The following SHANK2 variants were observed in gnomAD, a reference collection of about 807,000 sequenced individuals.
SHANK2 encodes the protein SH3 and multiple ankyrin repeat domains 2.
Under a neutral mutation model 133.7 loss-of-function variants are expected in SHANK2, and 43 were observed. The observed-to-expected ratio is 0.32, with a 90% CI of 0.25 to 0.41. The LOEUF is 0.41. Ranked by LOEUF, SHANK2 falls within the 10% of genes least tolerant of loss-of-function variation. The pLI, the probability that SHANK2 is intolerant of heterozygous loss-of-function variation, is 1.00. For missense variants in SHANK2, 1,994 were observed against 2,235.8 expected (o/e 0.89, Z 2.18); for synonymous variants, 1,017 against 952.8 (o/e 1.07, Z -1.24).
chr11:70,596,335 G>T (rs1027566770), intron 17 of SHANK2, among the ~76,000 whole-genome samples: 1 of 150,780 alleles, frequency 6.6e-6, no homozygotes, highest in Non-Finnish European at 1.5e-5. Flanking sequence ...GAGGGGAGGG[G>T]CATGGGCACC....
In SHANK2 at chr11:70,577,396, C is replaced by T. The variant is rs182339979; in HGVS notation, c.2062-74465G>A. ...TGGTGGAGCCACTTCATGGCACCCA[C>T]GGACCACGAGACATCTCTGGGCTGG... On this transcript the variant is annotated intron_variant, in intron 17 of 25. Transcript: ENST00000601538. 7.2e-5 allele frequency among the ~76,000 whole-genome samples: 11 copies of T among 152,346 alleles called. No individual in the cohort carries two copies. In the East Asian group the frequency reaches 1.7e-3, roughly 24 times the overall value.
At chr11:70,489,413 G>A in intron 23 of SHANK2, 65 bp from the exon 24 acceptor site, 1 of 1,540,184 alleles carries the variant, frequency 6.5e-7, no homozygotes, top group Non-Finnish European at 9.0e-7. Flanking sequence ...CTTTCCCTGA[G>A]TTTGCTGGTG....
At chr11:70,531,474 G>A (rs1177820745) in intron 17 of SHANK2, among the ~76,000 whole-genome samples, 5 of 152,302 alleles carry the variant, frequency 3.3e-5, no homozygotes, top group East Asian at 1.9e-4. Context: ...ACTGCCTCGC[G>A]GGTGGACGAC....
chr11:70,797,832 TACACACACACACAC>T (rs368707688), intron 14 of SHANK2, among the ~76,000 whole-genome samples: 30 of 142,038 alleles, frequency 2.1e-4, no homozygotes, highest in South Asian at 9.5e-4. Flanking sequence ...TCCACTCTCA[TACACACACACACAC>T]ACACACACAC....
At chr11:71,198,214 G>A (rs1229447408) in intron 2 of SHANK2, among the ~76,000 whole-genome samples, 2 of 152,124 alleles carry the variant, frequency 1.3e-5, no homozygotes, top group Admixed American at 6.5e-5. Context: ...ATTCCAAAGT[G>A]CTGGGACTGC....
chr11:70,503,867 G>T (rs2059097793), intron 17 of SHANK2, among the ~76,000 whole-genome samples: 1 of 152,186 alleles, frequency 6.6e-6, no homozygotes, highest in South Asian at 2.1e-4. Context: ...TGGGCGTCTG[G>T]GCTGACACTG....
Position 70,927,724 on chromosome 11 carries a change from A to G in SHANK2, c.1108-31157T>C, listed in dbSNP as rs527446476. On this transcript the variant is annotated intron_variant, in intron 10 of 25. Transcript: ENST00000601538. ...AGAGTAAACTGTTATTTCTGGGTCT[A>G]TTTGGGAGGCTGTTCCTGGATATAT... 6.6e-5 allele frequency among the ~76,000 whole-genome samples: 10 copies of G among 152,194 alleles called. No individual in the cohort carries two copies. The South Asian group carries it at 1.9e-3, about 29-fold the overall frequency.
chr11:71,208,940 G>A (rs1458266163), intron 2 of SHANK2, among the ~76,000 whole-genome samples: 3 of 152,182 alleles, frequency 2.0e-5, no homozygotes, highest in Non-Finnish European at 4.4e-5. Flanking sequence ...GATGACCAAC[G>A]TTACATGTCT....
At chr11:70,855,026 G>A (rs782637720) in intron 11 of SHANK2, among the ~76,000 whole-genome samples, 15 of 152,200 alleles carry the variant, frequency 9.9e-5, no homozygotes, top group Non-Finnish European at 1.6e-4. Flanking sequence ...GTCTGGGCCC[G>A]GCCCGTAGTC....
At chr11:70,847,716 G>A (rs570881973) in intron 11 of SHANK2, among the ~76,000 whole-genome samples, 57 of 152,256 alleles carry the variant, frequency 3.7e-4, no homozygotes, top group Admixed American at 9.1e-4. Flanking sequence ...AGTCTACCAC[G>A]CAAACTCTCC....
chr11:70,542,444 T>C (rs899153992), intron 17 of SHANK2, among the ~76,000 whole-genome samples: 1 of 152,162 alleles, frequency 6.6e-6, no homozygotes, highest in African/African-American at 2.4e-5. Context: ...TAGAGGGGGC[T>C]CATGGCTTTG....
At chr11:70,791,112 G>A (rs143929319) in intron 14 of SHANK2, among the ~76,000 whole-genome samples, 18 of 152,358 alleles carry the variant, frequency 1.2e-4, no homozygotes, top group African/African-American at 3.8e-4. Flanking sequence ...ACTTGTCGTA[G>A]CAGCTGACAT....
intron 14 of SHANK2, among the ~76,000 whole-genome samples, chr11:70,709,244 C>T (rs915256881): frequency 3.9e-5 from 6 of 152,278 alleles, no homozygotes; most frequent in African/African-American, 9.6e-5. Flanking sequence ...CTAAGAATTC[C>T]GATGTAGGCG....
intron 25 of SHANK2, among the ~76,000 whole-genome samples, chr11:70,484,357 T>C (rs928438575): frequency 2.0e-5 from 3 of 152,244 alleles, no homozygotes; most frequent in Middle Eastern, 6.8e-3. Flanking sequence ...CTGTACATAG[T>C]GAGCTCTCAT....
intron 10 of SHANK2, among the ~76,000 whole-genome samples, chr11:70,937,426 C>G (rs1950586892): frequency 6.6e-6 from 1 of 152,186 alleles, no homozygotes; most frequent in Admixed American, 6.5e-5. Context: ...CCGGTGAGGC[C>G]CCTCCTATGT....
In SHANK2 at chr11:70,916,010, T is replaced by C. The variant is rs1398497470; in HGVS notation, c.1108-19443A>G. ...TCCACCTTGTTGTGCTCTTCCCCGA[T>C]TCACATCACCTTGCTCTTGTTTTTG... On this transcript the variant is annotated intron_variant, in intron 10 of 25. Transcript: ENST00000601538. Among the ~76,000 whole-genome samples the C allele has an allele frequency of 3.3e-5, 5 of 152,300 alleles. No individual in the cohort carries two copies. In the South Asian group the frequency reaches 8.3e-4, roughly 25 times the overall value.
intron 2 of SHANK2, among the ~76,000 whole-genome samples, chr11:71,166,856 C>T (rs10897684): frequency 0.2 from 25,588 of 129,544 alleles, 2,872 homozygotes; most frequent in Middle Eastern, 0.31. Flanking sequence ...GGCAGGGTCA[C>T]AGGACAATAG....
At chr11:70,700,583 T>A (rs1555023383) in intron 14 of SHANK2, among the ~76,000 whole-genome samples, 1 of 152,232 alleles carries the variant, frequency 6.6e-6, no homozygotes. Flanking sequence ...TCCCCTTTGC[T>A]TGGCATCTGC....
chr11:70,822,790 C>A (rs56031159), intron 11 of SHANK2, among the ~76,000 whole-genome samples: 14 of 83,688 alleles, frequency 1.7e-4, no homozygotes, highest in African/African-American at 6.9e-4. Flanking sequence ...AGAGGTGGCG[C>A]TGGCAGAGCT....
Sources: allele counts gnomAD v4.1 joint callset (sites outside exome capture counted in the v4.1 genomes callset), GRCh38; gene constraint gnomAD v4.1.1; transcripts MANE v1.5; gene names NCBI Gene and HGNC (gene_info 2026-07-23, HGNC 2026-07-21).